Variants in CTCF observed in about 807,000 individuals in gnomAD.
The protein encoded by CTCF is transcriptional repressor CTCF.
In CTCF, 7 loss-of-function variants were observed where a neutral mutation model predicts 72.3. The observed-to-expected ratio is 0.10, with a 90% CI of 0.06 to 0.18. The LOEUF (loss-of-function observed/expected upper bound fraction) is 0.18. Among genes scored for constraint, CTCF ranks in the 10% least tolerant of loss-of-function variants. The pLI is 1.00. For synonymous variants in CTCF, 374 were observed against 315.8 expected (o/e 1.18, Z -1.95); for missense variants, 516 against 949.1 (o/e 0.54, Z 6.00).
intron 2 of CTCF, among the ~76,000 whole-genome samples, chr16:67,589,846 G>T (rs896671221): frequency 6.6e-6 from 1 of 152,132 alleles, no homozygotes; most frequent in African/African-American, 2.4e-5. Flanking sequence ...CGGCATTTGG[G>T]GAGACCAAGA....
intron 2 of CTCF, among the ~76,000 whole-genome samples, chr16:67,572,957 C>CCA (rs2051444721): frequency 1.5e-5 from 2 of 136,594 alleles, no homozygotes; most frequent in Admixed American, 7.2e-5. Context: ...GCCCCCCCCC[C>CCA]CAAAACAACA....
At chr16:67,578,078 T>A (rs1015286318) in intron 2 of CTCF, among the ~76,000 whole-genome samples, 1 of 152,178 alleles carries the variant, frequency 6.6e-6, no homozygotes, top group Non-Finnish European at 1.5e-5. Context: ...TTAACAGGCA[T>A]GTACATATAA....
At chr16:67,618,898 A>G (rs1164888894) in intron 5 of CTCF, among the ~76,000 whole-genome samples, 1 of 152,258 alleles carries the variant, frequency 6.6e-6, no homozygotes, top group African/African-American at 2.4e-5. Flanking sequence ...AACTGGAAGA[A>G]TAAATATGAA....
intron 2 of CTCF, among the ~76,000 whole-genome samples, chr16:67,608,841 G>C (rs148481352): frequency 1.6e-4 from 25 of 151,846 alleles, no homozygotes; most frequent in Middle Eastern, 3.4e-3. Context: ...CGGGTCAAAC[G>C]ATTCTCCTGC....
intron 10 of CTCF, among the ~76,000 whole-genome samples, chr16:67,631,741 C>G (rs1029545960): frequency 1.7e-5 from 2 of 120,104 alleles, no homozygotes; most frequent in African/African-American, 6.5e-5. Flanking sequence ...GTAGCATCTT[C>G]TTCAGTCACT....
intron 2 of CTCF, among the ~76,000 whole-genome samples, chr16:67,600,609 G>A (rs983879160): frequency 3.9e-5 from 6 of 151,932 alleles, no homozygotes; most frequent in Admixed American, 3.3e-4. Context: ...GAACTCTTGG[G>A]CTCAAGTGAT....
intron 7 of CTCF, among the ~76,000 whole-genome samples, chr16:67,623,582 C>A (rs2052233571): frequency 6.6e-6 from 1 of 151,816 alleles, no homozygotes; most frequent in Admixed American, 6.6e-5. Context: ...TTGCAACGAG[C>A]CGAGATCGTG....
chr16:67,585,588 A>C (rs1219948750), intron 2 of CTCF, among the ~76,000 whole-genome samples: 1 of 152,144 alleles, frequency 6.6e-6, no homozygotes, highest in Non-Finnish European at 1.5e-5. Context: ...ATTGGTTAGC[A>C]CTTCTGTTTT....
intron 2 of CTCF, among the ~76,000 whole-genome samples, chr16:67,590,431 G>C (rs1403034885): frequency 6.6e-6 from 1 of 151,724 alleles, no homozygotes; most frequent in African/African-American, 2.4e-5. Context: ...TAACTTAGAA[G>C]AAACATTTTC....
rs778439522 is a variant in CTCF at position 67,621,473 on chromosome 16, T to C, written c.1239T>C (p.His413=). 6.2e-7 allele frequency: 1 copy of C among 1,610,356 alleles called. No individual in the cohort carries two copies. Among genetic ancestry groups the C allele is most frequent in the Non-Finnish European group, 8.5e-7 (1 of 1,176,672 alleles). The change falls in exon 7 of 12, where the codon CAT becomes CAC. Residue 413 remains histidine, a synonymous_variant. Coordinates refer to ENST00000264010, the MANE Select transcript of CTCF (RefSeq NM_006565.4). ...AGCCTTATGAATGTTATATTTGTCA[T>C]GCTCGGTTTACCCAAAGTGGTACCA... is the stretch of plus-strand genomic sequence containing the variant. ...GEKPYECYIC[H]ARFTQSGTMK...
At chr16:67,623,999 G>C (rs986489377) in intron 7 of CTCF, among the ~76,000 whole-genome samples, 1 of 149,568 alleles carries the variant, frequency 6.7e-6, no homozygotes, top group Non-Finnish European at 1.5e-5. Flanking sequence ...AGTGAGCGGA[G>C]ATCGCGCCAC....
intron 1 of CTCF, among the ~76,000 whole-genome samples, 188 bp downstream of exon 1, chr16:67,562,912 C>T (rs995738080): frequency 7.6e-6 from 1 of 132,376 alleles, no homozygotes; most frequent in Non-Finnish European, 1.6e-5. Context: ...GGCCGCCCCC[C>T]CCACCCCCAC....
At chr16:67,626,389 C>T (rs534955191) in intron 7 of CTCF, 166 bp from the exon 8 acceptor site, 218 of 391,714 alleles carry the variant, frequency 5.6e-4, no homozygotes, top group Non-Finnish European at 7.9e-4. Context: ...GGAAGTGGAG[C>T]TTGCAGTGAG....
At position 67,636,796 on chromosome 16, in the gene CTCF, C is replaced by A. The variant is rs769051432; in HGVS notation, c.1944C>A (p.Ala648=). 6.2e-7 allele frequency: 1 copy of A among 1,601,926 alleles called. No homozygotes were observed. The highest frequency in any genetic ancestry group is 8.5e-7 in the Non-Finnish European group (1 of 1,174,196). Residue 648 remains alanine, a synonymous_variant, in exon 11 of 12, where the codon GCC becomes GCA. Coordinates refer to ENST00000264010, the MANE Select transcript of CTCF (RefSeq NM_006565.4). ...PQPVTPAPPP[A]KKRRGRPPGR... ...CTGTGACCCCAGCCCCACCACCCGC[C>A]AAGAAGCGGAGAGGACGACCCCCTG...
intron 5 of CTCF, among the ~76,000 whole-genome samples, chr16:67,618,013 ATAT>A (rs2052155584): frequency 6.6e-6 from 1 of 152,198 alleles, no homozygotes; most frequent in Admixed American, 6.6e-5. Flanking sequence ...AAGAAAAACC[ATAT>A]TATTTCTGTA....
rs780911615 is a variant in CTCF at position 67,616,813 on chromosome 16, C to T, written c.1021C>T (p.Arg341Cys). ...GACCAGTGGAGAATTGGTTCGGCATCGTCGTTACAAACACACCCACGAGAA... is the reference window on the plus strand; with the variant it reads ...GACCAGTGGAGAATTGGTTCGGCATTGTCGTTACAAACACACCCACGAGAA... The part of the protein sequence containing the change: ...FVTSGELVRH[R>C]RYKHTHEKPF... The change falls in exon 5 of 12, where the codon CGT becomes TGT. Residue 341 changes from arginine to cysteine, a missense_variant. This residue lies in a region of CTCF where 70 missense variants were observed against 290.1 expected (regional missense o/e 0.24). Coordinates refer to ENST00000264010, the MANE Select transcript of CTCF (RefSeq NM_006565.4). 4 of 1,614,106 alleles carry T rather than the reference C, an allele frequency of 2.5e-6. No individual in the cohort carries two copies. The highest frequency in any genetic ancestry group is 2.2e-5 in the East Asian group (1 of 44,886).
chr16:67,636,571 A>ATG, intron 10 of CTCF, 119 bp from the exon 11 acceptor site: 1 of 186,468 alleles, frequency 5.4e-6, no homozygotes, highest in Non-Finnish European at 1.0e-5. Flanking sequence ...AAGAAAGTGT[A>ATG]TATATATATA....
At chr16:67,616,211 T>A (rs2142838166) in intron 4 of CTCF, 1 of 153,238 alleles carries the variant, frequency 6.5e-6, no homozygotes, top group South Asian at 2.0e-4. Context: ...GCCTCTGAAA[T>A]TCCTTATCAA....
chr16:67,570,076 A>T (rs951116227), intron 1 of CTCF, among the ~76,000 whole-genome samples: 1 of 138,162 alleles, frequency 7.2e-6, no homozygotes, highest in African/African-American at 2.7e-5. Flanking sequence ...ATAAGAATTA[A>T]TTTTTTTTTT....
Sources: allele counts gnomAD v4.1 joint callset (sites outside exome capture counted in the v4.1 genomes callset), GRCh38; gene constraint gnomAD v4.1.1; regional missense constraint gnomAD v4.1.1; transcripts MANE v1.5; gene names NCBI Gene and HGNC (gene_info 2026-07-23, HGNC 2026-07-21).